SLC20A2: variants seen among roughly 807,000 people sequenced by gnomAD.
SLC20A2 encodes solute carrier family 20 member 2, also known as sodium-dependent phosphate transporter 2.
Under a neutral mutation model 61.0 loss-of-function variants are expected in SLC20A2, and 30 were observed. The ratio of observed to expected loss-of-function variants is 0.49; its 90% CI spans 0.37 to 0.67. The LOEUF (loss-of-function observed/expected upper bound fraction) is 0.67. Ranked by LOEUF, SLC20A2 falls within the 30% of genes least tolerant of loss-of-function variation. The probability of loss-of-function intolerance (pLI) is 0.00; values close to 1 mark genes in which losing one functional copy is unlikely to be tolerated. For missense variants in SLC20A2, 626 were observed against 866.4 expected, an observed-to-expected ratio of 0.72 and a Z score of 3.48; for synonymous variants, 351 against 353.3, an observed-to-expected ratio of 0.99 and a Z score of 0.07.
At position 42,428,788 on chromosome 8, in the gene SLC20A2, G is replaced by A. The variant is rs200195309; in HGVS notation, c.1764C>T (p.Ile588=). ...AGTGCGTGGTGCTGACTGGAAGCCC[G>A]ATGTTGGAGGCGATCACCACTGTGA... ...SAFTVVIASN[I]GLPVSTTHCK... Residue 588 remains isoleucine (I), a synonymous_variant, in exon 10 of 11, where the codon ATC becomes ATT. Coordinates refer to ENST00000520262, the MANE Select transcript of SLC20A2 (RefSeq NM_001257180.2). 1.5e-5 allele frequency: 24 copies of A among 1,611,434 alleles called. No homozygotes were observed. In the East Asian group the frequency reaches 3.4e-4, roughly 23 times the overall value.
At chr8:42,485,892 G>A (rs1393430666) in intron 1 of SLC20A2, among the ~76,000 whole-genome samples, 2 of 151,022 alleles carry the variant, frequency 1.3e-5, no homozygotes, top group Non-Finnish European at 2.9e-5. Flanking sequence ...GTTGCAGTGA[G>A]CCGAGATTGC....
At chr8:42,450,220 T>C (rs953101655) in intron 5 of SLC20A2, among the ~76,000 whole-genome samples, 2 of 151,854 alleles carry the variant, frequency 1.3e-5, no homozygotes, top group Admixed American at 1.3e-4. Context: ...CCAAGTATTT[T>C]TTTTTCGTTC....
At position 42,430,235 on chromosome 8, in the gene SLC20A2, G is replaced by A; in HGVS notation, c.1538C>T (p.Pro513Leu). The change falls in exon 9 of 11, where the codon CCC becomes CTC. Residue 513 changes from proline (P) to leucine (L), a missense_variant. Physicochemically the swap from Pro to Leu is moderately conservative, Grantham distance 98. Coordinates refer to ENST00000520262, the MANE Select transcript of SLC20A2 (RefSeq NM_001257180.2). The stretch of plus-strand genomic sequence containing the variant: ...GTAAATCAGCCACAAGGCTACCAGG[G>A]GACCGATGGCATTACTGGGAAAAAT... ...GGNDVSNAIG[P>L]LVALWLIYKQ... The A allele has an allele frequency of 1.9e-6, 3 of 1,611,068 alleles. No individual in the cohort carries two copies. Among genetic ancestry groups the A allele is most frequent in the Non-Finnish European group, 2.5e-6 (3 of 1,178,980 alleles).
At chr8:42,519,053 T>C (rs1192686547) in intron 1 of SLC20A2, among the ~76,000 whole-genome samples, 1 of 152,224 alleles carries the variant, frequency 6.6e-6, no homozygotes, top group Non-Finnish European at 1.5e-5. Flanking sequence ...GGCACTGTAC[T>C]CAAACTGTAA....
chr8:42,501,379 T>C (rs141454125), upstream of SLC20A2: 17 of 152,336 alleles, frequency 1.1e-4, no homozygotes, highest in African/African-American at 4.1e-4. Context: ...AATACTAACT[T>C]CTTTTAAGTT....
At chr8:42,499,237 C>T (rs1475465279) in intron 1 of SLC20A2, among the ~76,000 whole-genome samples, 3 of 152,154 alleles carry the variant, frequency 2.0e-5, no homozygotes, top group African/African-American at 7.2e-5. Context: ...CAGTGTGTGA[C>T]TCTGCATAGA....
At chr8:42,419,008 C>CAAAAAAAAAA (rs778981433) in intron 10 of SLC20A2, among the ~76,000 whole-genome samples, 2 of 64,200 alleles carry the variant, frequency 3.1e-5, no homozygotes, top group African/African-American at 1.3e-4. Context: ...GACTCTGTCT[C>CAAAAAAAAAA]AAAAAAAAAA....
intron 6 of SLC20A2, among the ~76,000 whole-genome samples, chr8:42,440,423 C>T (rs1297936489): frequency 6.6e-6 from 1 of 152,156 alleles, no homozygotes; most frequent in Non-Finnish European, 1.5e-5. Context: ...TTCTACTCAG[C>T]ATAATGCCTT....
chr8:42,481,436 T>A (rs1314478402), intron 1 of SLC20A2, among the ~76,000 whole-genome samples: 1 of 152,018 alleles, frequency 6.6e-6, no homozygotes, highest in Non-Finnish European at 1.5e-5. Context: ...CAGGCCCTGA[T>A]GATAGGAGGT....
At chr8:42,448,413 G>T (rs1805395783) in intron 5 of SLC20A2, among the ~76,000 whole-genome samples, 1 of 152,188 alleles carries the variant, frequency 6.6e-6, no homozygotes, top group Non-Finnish European at 1.5e-5. Context: ...GTCAAGAAGG[G>T]CTACTTGATG....
At chr8:42,427,961 G>A (rs796610013) in intron 10 of SLC20A2, among the ~76,000 whole-genome samples, 23 of 152,278 alleles carry the variant, frequency 1.5e-4, no homozygotes, top group African/African-American at 4.6e-4. Flanking sequence ...AGTGACTTTC[G>A]CTTTGTTGAG....
At chr8:42,519,967 CA>C (rs1277029390) in intron 1 of SLC20A2, among the ~76,000 whole-genome samples, 2 of 146,196 alleles carry the variant, frequency 1.4e-5, no homozygotes, top group African/African-American at 5.0e-5. Context: ...GGACATTAGT[CA>C]ATTAATGAGT....
At chr8:42,504,892 G>A (rs1015711636), upstream of SLC20A2, among the ~76,000 whole-genome samples, 1 of 85,192 alleles carries the variant, frequency 1.2e-5, no homozygotes, top group African/African-American at 4.9e-5. Flanking sequence ...AAAAAGGCAT[G>A]TTCCAGTTAC....
At chr8:42,534,210 C>T (rs1009986326) in intron 1 of SLC20A2, among the ~76,000 whole-genome samples, 3 of 152,054 alleles carry the variant, frequency 2.0e-5, no homozygotes, top group African/African-American at 4.8e-5. Context: ...ACCTGGGAGG[C>T]AGCGGTTGCA....
intron 9 of SLC20A2, among the ~76,000 whole-genome samples, chr8:42,429,734 C>T (rs1362457800): frequency 1.3e-5 from 2 of 152,218 alleles, no homozygotes; most frequent in Non-Finnish European, 2.9e-5. Flanking sequence ...CTGTTTAAGT[C>T]TGTGCCCTCC....
chr8:42,432,407 A>C (rs932741013), intron 8 of SLC20A2, among the ~76,000 whole-genome samples: 2 of 152,232 alleles, frequency 1.3e-5, no homozygotes, highest in African/African-American at 4.8e-5. Flanking sequence ...TGGATGAGCA[A>C]AGAAAGTTTC....
chr8:42,437,722 G>A lies in SLC20A2; in HGVS notation c.935-145C>T. 2 of 625,764 alleles carry A rather than the reference G, an allele frequency of 3.2e-6. No individual in the cohort carries two copies. The highest frequency in any genetic ancestry group is 2.6e-6 in the Non-Finnish European group (1 of 386,380). 38.8% of individuals were successfully genotyped at this position (625,764 alleles called of 1,614,324 possible). A position where few individuals can be genotyped will look rare whatever the true frequency, so the allele number is the denominator to read the frequency against. ...CAACCTTCGCCTCCCGGGTTCAAGC[G>A]ATTCTCCCTCAGCCTCCTGAGTAGC... On this transcript the variant is annotated intron_variant, in intron 7 of 10. Coordinates refer to ENST00000520262, the MANE Select transcript of SLC20A2 (RefSeq NM_001257180.2). This position sits in a 1 kb window ranked among gnomAD's most constrained non-coding sequence, Gnocchi z 6.4.
At chr8:42,428,871 G>A in intron 9 of SLC20A2, 29 bp from the exon 10 acceptor site, 3 of 1,539,184 alleles carry the variant, frequency 1.9e-6, no homozygotes, top group Non-Finnish European at 2.6e-6. Context: ...ACACGTCACA[G>A]GTGCCCTCTG....
intron 10 of SLC20A2, among the ~76,000 whole-genome samples, chr8:42,424,400 C>A (rs1803254732): frequency 6.6e-6 from 1 of 152,162 alleles, no homozygotes; most frequent in African/African-American, 2.4e-5. Context: ...ACCACAACCT[C>A]CGCCTCCCGG....
Sources: allele counts gnomAD v4.1 joint callset (sites outside exome capture counted in the v4.1 genomes callset), GRCh38; gene constraint gnomAD v4.1.1; non-coding constraint Gnocchi (gnomAD v3.1); transcripts MANE v1.5; gene names NCBI Gene and HGNC (gene_info 2026-07-23, HGNC 2026-07-21).